Variants in SATL1 observed in about 807,000 individuals in gnomAD.
SATL1 encodes spermidine/spermine N(1)-acetyltransferase-like protein 1.
In SATL1, 47 loss-of-function variants were observed where a neutral mutation model predicts 51.8. The ratio of observed to expected loss-of-function variants is 0.91; its 90% CI spans 0.72 to 1.16. The LOEUF (loss-of-function observed/expected upper bound fraction) is 1.16. Ranked by LOEUF, SATL1 falls within the 50% of genes most tolerant of loss-of-function variation. The pLI is 0.00. For missense variants in SATL1, 520 were observed against 526.4 expected (o/e 0.99, Z 0.12); for synonymous variants, 176 against 182.4 (o/e 0.97, Z 0.28).
chrX:85,132,649 C>T (rs887273532), intron 2 of SATL1, among the ~76,000 whole-genome samples: 16 of 112,029 alleles, frequency 1.4e-4, no homozygotes, highest in African/African-American at 5.2e-4. Flanking sequence ...AAGCCTACTT[C>T]TGTCAACTTG....
At chrX:85,142,486 G>C (rs760140448) in intron 2 of SATL1, 1 of 110,410 alleles carries the variant, frequency 9.1e-6, no homozygotes, top group African/African-American at 3.3e-5. Flanking sequence ...AAAATTATCT[G>C]TATTAACAGG....
chrX:85,173,678 G>A (rs1023067712), intron 2 of SATL1, among the ~76,000 whole-genome samples: 4 of 109,784 alleles, frequency 3.6e-5, no homozygotes, highest in Non-Finnish European at 5.7e-5. Context: ...AAACACACAC[G>A]TTAAAAAAAA....
intron 2 of SATL1, among the ~76,000 whole-genome samples, chrX:85,112,223 G>A (rs969314434): frequency 9.0e-5 from 10 of 110,632 alleles, no homozygotes; most frequent in African/African-American, 3.3e-4. Flanking sequence ...TTGGTGGTGG[G>A]TGCCTGTAAT....
chrX:85,140,507 C>A (rs2147713320), intron 2 of SATL1, among the ~76,000 whole-genome samples: 1 of 112,026 alleles, frequency 8.9e-6, no homozygotes, highest in African/African-American at 3.2e-5. Flanking sequence ...TATGTTTGGC[C>A]ATATGTAGAT....
Position 85,231,948 on chromosome X carries a change from G to A in SATL1, c.-434-7622C>T, listed in dbSNP as rs749838710. ...GGACATGCAACCTAATGAGACACTA[G>A]CTGGGGCAGCCAAGGGAGTGCTTGC... On this transcript the variant is annotated intron_variant, in intron 1 of 7. Transcript: ENST00000644105. Among the ~76,000 whole-genome samples the A allele has an allele frequency of 1.9e-3, 207 of 109,693 alleles. 1 individual carries two copies. The highest frequency in any genetic ancestry group is 6.8e-3 in the African/African-American group (205 of 30,210).
chrX:85,220,713 A>G (rs1569249794), intron 2 of SATL1, among the ~76,000 whole-genome samples: 1 of 100,476 alleles, frequency 1.0e-5, no homozygotes, highest in East Asian at 3.2e-4. Context: ...GATGCATCAC[A>G]CAGTGTCCTA....
chrX:85,240,903 C>T (rs774769432), intron 1 of SATL1, among the ~76,000 whole-genome samples: 4 of 110,199 alleles, frequency 3.6e-5, no homozygotes, highest in East Asian at 5.7e-4. Flanking sequence ...GGATTACAGG[C>T]GTGAGCCACC....
intron 4 of SATL1, among the ~76,000 whole-genome samples, chrX:85,099,190 T>A (rs1020447071): frequency 9.0e-6 from 1 of 111,402 alleles, no homozygotes; most frequent in Non-Finnish European, 1.9e-5. Context: ...CCTTCAAACA[T>A]GCAAATTACC....
At chrX:85,194,871 CG>C (rs1268303323) in intron 2 of SATL1, among the ~76,000 whole-genome samples, 1 of 15,806 alleles carries the variant, frequency 6.3e-5, no homozygotes, top group Non-Finnish European at 1.1e-4. Context: ...TGGGGTCTAT[CG>C]GGGGGTGGGA....
At chrX:85,219,304 A>G (rs961357573) in intron 2 of SATL1, 1 of 112,261 alleles carries the variant, frequency 8.9e-6, no homozygotes, top group Non-Finnish European at 1.9e-5. Flanking sequence ...TGCTTTAAAC[A>G]CTTTACTTCT....
chrX:85,225,035 T>C (rs1360761189), intron 1 of SATL1, among the ~76,000 whole-genome samples: 1 of 111,584 alleles, frequency 9.0e-6, no homozygotes, highest in Non-Finnish European at 1.9e-5. Context: ...GGTTCCATAC[T>C]GTAACTCCAT....
At chrX:85,214,519 A>C (rs772951291) in intron 2 of SATL1, among the ~76,000 whole-genome samples, 1 of 111,370 alleles carries the variant, frequency 9.0e-6, no homozygotes, top group South Asian at 3.8e-4. Context: ...CTGAACGCCT[A>C]AGTATCATGT....
At chrX:85,242,729 G>T (rs1928650445) in intron 1 of SATL1, among the ~76,000 whole-genome samples, 1 of 112,132 alleles carries the variant, frequency 8.9e-6, no homozygotes, top group African/African-American at 3.2e-5. Context: ...ATTTCTTGCA[G>T]AGAAACTTTG....
At chrX:85,127,278 G>A (rs758235314) in intron 2 of SATL1, among the ~76,000 whole-genome samples, 1 of 111,182 alleles carries the variant, frequency 9.0e-6, no homozygotes, top group Non-Finnish European at 1.9e-5. Flanking sequence ...ATAAGGCAGG[G>A]ATAATATTTG....
intron 2 of SATL1, among the ~76,000 whole-genome samples, chrX:85,220,591 A>G (rs1427519345): frequency 1.0e-5 from 1 of 96,264 alleles, no homozygotes; most frequent in Non-Finnish European, 2.1e-5. Context: ...GGCACCGATC[A>G]GAGTCATAAG....
chrX:85,217,245 C>A (rs1928064532), intron 2 of SATL1, among the ~76,000 whole-genome samples: 1 of 110,916 alleles, frequency 9.0e-6, no homozygotes, highest in Admixed American at 9.6e-5. Flanking sequence ...ATGCAATCAC[C>A]TGTGGTGCAG....
intron 2 of SATL1, among the ~76,000 whole-genome samples, chrX:85,130,018 CTT>C (rs1321681307): frequency 8.9e-6 from 1 of 111,761 alleles, no homozygotes; most frequent in East Asian, 2.8e-4. Context: ...GGTGGATAAG[CTT>C]TTTGATGTGC....
At chrX:85,199,070 A>G (rs1602906494) in intron 2 of SATL1, among the ~76,000 whole-genome samples, 1 of 109,463 alleles carries the variant, frequency 9.1e-6, no homozygotes, top group Non-Finnish European at 1.9e-5. Context: ...CGATCTCCTG[A>G]CCTCGACATT....
intron 2 of SATL1, chrX:85,209,461 T>C (rs1927861764): frequency 8.9e-6 from 1 of 111,851 alleles, no homozygotes; most frequent in Non-Finnish European, 1.9e-5. Flanking sequence ...ATAAATTACC[T>C]TGGGCAGTAT....
Sources: gnomAD v4.1 joint callset for allele counts (sites outside exome capture counted in the v4.1 genomes callset) on GRCh38, gnomAD v4.1.1 for gene constraint, MANE v1.5 for transcripts, NCBI Gene and HGNC (gene_info 2026-07-23, HGNC 2026-07-21) for gene names.